Variants in EPHA5 observed in about 807,000 individuals in gnomAD.
EPHA5 encodes the protein ephrin type-A receptor 5.
EPHA5 carries 60 observed loss-of-function variants against 105.0 expected under a neutral mutation model. The ratio of observed to expected loss-of-function variants is 0.57; its 90% CI spans 0.46 to 0.71. The LOEUF (loss-of-function observed/expected upper bound fraction) is 0.71. EPHA5 is among the 30% of genes least tolerant of loss of function. EPHA5 has a pLI of 0.00. For synonymous variants in EPHA5, 513 were observed against 449.1 expected (o/e 1.14, Z -1.80); for missense variants, 1,218 against 1,274.7 (o/e 0.96, Z 0.68).
intron 5 of EPHA5, among the ~76,000 whole-genome samples, chr4:65,487,798 T>C (rs1185948360): frequency 4.6e-5 from 7 of 152,198 alleles, no homozygotes; most frequent in African/African-American, 1.7e-4. Context: ...AATAAAACTC[T>C]GGTCTCCTGC....
intron 3 of EPHA5, among the ~76,000 whole-genome samples, chr4:65,592,753 C>G (rs771353985): frequency 6.6e-6 from 1 of 152,078 alleles, no homozygotes; most frequent in Non-Finnish European, 1.5e-5. Flanking sequence ...TAACAATCAA[C>G]TAAGAAACAT....
intron 3 of EPHA5, among the ~76,000 whole-genome samples, chr4:65,567,314 T>C (rs1739651592): frequency 6.6e-6 from 1 of 151,690 alleles, no homozygotes; most frequent in Admixed American, 6.6e-5. Context: ...TCAGAGCACT[T>C]ATATTCTAAG....
At chr4:65,514,212 T>C (rs1319254952) in intron 3 of EPHA5, among the ~76,000 whole-genome samples, 1 of 152,162 alleles carries the variant, frequency 6.6e-6, no homozygotes, top group Non-Finnish European at 1.5e-5. Context: ...TTTCCCACTG[T>C]GGCTGCCACA....
intron 1 of EPHA5, among the ~76,000 whole-genome samples, chr4:65,657,141 T>C (rs1327278809): frequency 1.3e-5 from 2 of 152,150 alleles, no homozygotes; most frequent in Non-Finnish European, 2.9e-5. Flanking sequence ...TAAGAATTCT[T>C]GCCAGCTTGT....
At chr4:65,328,707 G>A (rs566869742) in intron 16 of EPHA5, among the ~76,000 whole-genome samples, 1 of 151,098 alleles carries the variant, frequency 6.6e-6, no homozygotes, top group East Asian at 2.0e-4. Context: ...CATTGTACAG[G>A]ATAAATGTAT....
chr4:65,644,538 G>A (rs1747953951), intron 1 of EPHA5, among the ~76,000 whole-genome samples: 1 of 152,000 alleles, frequency 6.6e-6, no homozygotes, highest in Non-Finnish European at 1.5e-5. Flanking sequence ...CTAAAAGGAT[G>A]ATTCTTTGTG....
chr4:65,382,447 T>C (rs570973710), intron 8 of EPHA5, among the ~76,000 whole-genome samples: 1 of 152,034 alleles, frequency 6.6e-6, no homozygotes, highest in African/African-American at 2.4e-5. Context: ...ACGTGTTAGA[T>C]ACAATTTGCT....
chr4:65,628,461 A>G (rs1191703777), intron 2 of EPHA5, among the ~76,000 whole-genome samples: 1 of 152,138 alleles, frequency 6.6e-6, no homozygotes, highest in Non-Finnish European at 1.5e-5. Context: ...GCATACTGAT[A>G]CCACTTTTGC....
rs562204232 is a variant in EPHA5 at position 65,322,380 on chromosome 4, C to T, written c.*1734G>A. On this transcript the variant is annotated 3_prime_UTR_variant, in exon 17 of 17. Transcript: ENST00000613740. ...GGAAAAAAGAATACCATTAATATAA[C>T]GTGGCTATATTTCTGATAAATTTCA... 1.4e-4 allele frequency: 31 copies of T among 223,990 alleles called. No homozygotes were observed. Among genetic ancestry groups the T allele is most frequent in the East Asian group, 5.1e-4 (8 of 15,568 alleles). 13.9% of individuals were successfully genotyped at this position (223,990 alleles called of 1,614,324 possible).
At chr4:65,608,037 G>T (rs1433087246) in intron 2 of EPHA5, among the ~76,000 whole-genome samples, 1 of 152,116 alleles carries the variant, frequency 6.6e-6, no homozygotes, top group East Asian at 1.9e-4. Flanking sequence ...TTTCAGGGAC[G>T]TGGATGAAGC....
chr4:65,355,602 C>T (rs567544012), intron 11 of EPHA5, among the ~76,000 whole-genome samples: 16 of 151,608 alleles, frequency 1.1e-4, no homozygotes, highest in Admixed American at 2.6e-4. Context: ...ATATACCTCT[C>T]CCAGTAGTGA....
intron 5 of EPHA5, among the ~76,000 whole-genome samples, chr4:65,432,954 A>G (rs1261750684): frequency 6.6e-6 from 1 of 152,030 alleles, no homozygotes; most frequent in Non-Finnish European, 1.5e-5. Flanking sequence ...AAACACATAT[A>G]TGATTCTAAA....
At chr4:65,565,153 A>G (rs900200096) in intron 3 of EPHA5, among the ~76,000 whole-genome samples, 5 of 151,720 alleles carry the variant, frequency 3.3e-5, no homozygotes, top group African/African-American at 1.2e-4. Flanking sequence ...TTTAAAGACT[A>G]AGACTATTCC....
At chr4:65,651,163 C>G (rs984738814) in intron 1 of EPHA5, among the ~76,000 whole-genome samples, 1 of 152,098 alleles carries the variant, frequency 6.6e-6, no homozygotes, top group Non-Finnish European at 1.5e-5. Flanking sequence ...ATACAGTCAT[C>G]GAGAGAAAAT....
intron 14 of EPHA5, among the ~76,000 whole-genome samples, chr4:65,336,627 T>C (rs17086092): frequency 0.16 from 24,922 of 152,082 alleles, 2,218 homozygotes; most frequent in East Asian, 0.34. Context: ...TAAATTAGCA[T>C]AACTGTCTCA....
At chr4:65,648,593 G>A (rs1250580728) in intron 1 of EPHA5, among the ~76,000 whole-genome samples, 5 of 152,198 alleles carry the variant, frequency 3.3e-5, no homozygotes, top group East Asian at 3.9e-4. Context: ...TTAAACCTCC[G>A]CTACAGTATG....
Position 65,570,512 on chromosome 4 carries a change from G to A in EPHA5, c.910+31129C>T, listed in dbSNP as rs528169581. Reference sequence around the variant, plus strand: ...GCAAATGTTCTGATTCCCCTTTTTCGGCCTTGAAATTGATTTAATATCTTA... The same window carrying A: ...GCAAATGTTCTGATTCCCCTTTTTCAGCCTTGAAATTGATTTAATATCTTA... On this transcript the variant is annotated intron_variant, in intron 3 of 16. Transcript: ENST00000613740. 4.0e-5 allele frequency among the ~76,000 whole-genome samples: 6 copies of A among 148,342 alleles called. No homozygotes were observed. In the East Asian group the frequency reaches 8.0e-4, roughly 20 times the overall value.
chr4:65,359,570 T>A (rs1717068650), intron 11 of EPHA5, among the ~76,000 whole-genome samples: 1 of 151,516 alleles, frequency 6.6e-6, no homozygotes. Flanking sequence ...TTGGAGGTAC[T>A]CAAGACAAAT....
At chr4:65,485,050 A>T (rs1313817435) in intron 5 of EPHA5, among the ~76,000 whole-genome samples, 1 of 151,724 alleles carries the variant, frequency 6.6e-6, no homozygotes, top group Non-Finnish European at 1.5e-5. Context: ...TGAAATACTC[A>T]TTAGAAAACT....
Sources: gnomAD v4.1 joint callset for allele counts (sites outside exome capture counted in the v4.1 genomes callset) on GRCh38, gnomAD v4.1.1 for gene constraint, MANE v1.5 for transcripts, NCBI Gene and HGNC (gene_info 2026-07-23, HGNC 2026-07-21) for gene names.